The following CNTNAP2 variants were observed in gnomAD, a reference collection of about 807,000 sequenced individuals.
The protein encoded by CNTNAP2 is contactin-associated protein-like 2.
A neutral mutation model predicts 155.2 loss-of-function variants in CNTNAP2; 98 were observed. The observed-to-expected ratio is 0.63, with a 90% CI of 0.54 to 0.75. The LOEUF (loss-of-function observed/expected upper bound fraction) is 0.75. CNTNAP2 is among the 30% of genes least tolerant of loss of function. The pLI is 0.00. For missense variants in CNTNAP2, 1,727 were observed against 1,688.1 expected, an observed-to-expected ratio of 1.02 and a Z score of -0.40; for synonymous variants, 651 against 631.2, an observed-to-expected ratio of 1.03 and a Z score of -0.47.
chr7:146,355,626 G>A (rs897778192), intron 1 of CNTNAP2, among the ~76,000 whole-genome samples: 1 of 152,112 alleles, frequency 6.6e-6, no homozygotes, highest in African/African-American at 2.4e-5. Flanking sequence ...ATGCAGGGAT[G>A]TTCTACTTCC....
intron 1 of CNTNAP2, among the ~76,000 whole-genome samples, chr7:146,647,659 G>C (rs550625786): frequency 6.6e-6 from 1 of 152,196 alleles, no homozygotes; most frequent in East Asian, 1.9e-4. Context: ...GCTGCGAAAA[G>C]AAAAACATAA....
chr7:146,910,636 C>T (rs1423638763), intron 3 of CNTNAP2, among the ~76,000 whole-genome samples: 3 of 150,418 alleles, frequency 2.0e-5, no homozygotes, highest in Non-Finnish European at 2.9e-5. Context: ...CTTCCTTACA[C>T]CTTATACAAA....
At chr7:147,094,537 G>A (rs1488743665) in intron 4 of CNTNAP2, among the ~76,000 whole-genome samples, 1 of 151,608 alleles carries the variant, frequency 6.6e-6, no homozygotes, top group African/African-American at 2.4e-5. Context: ...GCGTAGCTGG[G>A]ACTACAGGCG....
intron 9 of CNTNAP2, among the ~76,000 whole-genome samples, chr7:147,377,567 A>G (rs1796457523): frequency 6.6e-6 from 1 of 151,706 alleles, no homozygotes; most frequent in Non-Finnish European, 1.5e-5. Context: ...ATGGCTTTTA[A>G]TGGGAATGTG....
intron 6 of CNTNAP2, among the ~76,000 whole-genome samples, chr7:147,124,827 A>G (rs911740061): frequency 2.0e-5 from 3 of 151,510 alleles, no homozygotes; most frequent in East Asian, 1.9e-4. Flanking sequence ...GTGATGGAAT[A>G]CAAGTTCACT....
At chr7:148,301,308 T>TAA (rs1464408177) in intron 21 of CNTNAP2, among the ~76,000 whole-genome samples, 2 of 111,636 alleles carry the variant, frequency 1.8e-5, no homozygotes, top group Non-Finnish European at 3.5e-5. Flanking sequence ...AAAAAAAAAA[T>TAA]ATATATATAT....
At chr7:148,390,331 ACTCGGTGGCTC>A (rs1408929580) in intron 22 of CNTNAP2, among the ~76,000 whole-genome samples, 1 of 152,030 alleles carries the variant, frequency 6.6e-6, no homozygotes, top group Non-Finnish European at 1.5e-5. Context: ...GTGGGGCAGG[ACTCGGTGGCTC>A]CAGTGAAAGC....
chr7:146,374,713 CAA>C (rs1385421484), intron 1 of CNTNAP2, among the ~76,000 whole-genome samples: 3 of 152,140 alleles, frequency 2.0e-5, no homozygotes, highest in African/African-American at 7.2e-5. Context: ...GATAATCAAA[CAA>C]GAGGCATCTT....
chr7:146,188,516 G>T (rs114068211), intron 1 of CNTNAP2, among the ~76,000 whole-genome samples: 2,173 of 152,220 alleles, frequency 0.014, 45 homozygotes, highest in African/African-American at 0.048. Context: ...TCACTTTATC[G>T]AGTTTCCTTC....
intron 8 of CNTNAP2, among the ~76,000 whole-genome samples, chr7:147,170,933 G>A (rs1221000065): frequency 1.3e-5 from 2 of 152,156 alleles, no homozygotes; most frequent in African/African-American, 4.8e-5. Context: ...GAGTTTTCTG[G>A]GGCCAGGGCC....
intron 19 of CNTNAP2, among the ~76,000 whole-genome samples, chr7:148,220,248 G>A (rs960038372): frequency 1.2e-4 from 18 of 152,196 alleles, no homozygotes; most frequent in South Asian, 2.1e-4. Flanking sequence ...GACTACAGGC[G>A]CCTGCCACAA....
intron 1 of CNTNAP2, among the ~76,000 whole-genome samples, chr7:146,418,502 A>G (rs1283689773): frequency 6.6e-6 from 1 of 152,158 alleles, no homozygotes; most frequent in East Asian, 1.9e-4. Context: ...CTTTTTCTAT[A>G]TATTTTCTAA....
chr7:146,747,244 T>C (rs1423037827), intron 1 of CNTNAP2, among the ~76,000 whole-genome samples: 2 of 152,252 alleles, frequency 1.3e-5, no homozygotes, highest in East Asian at 3.9e-4. Context: ...ACCTACAAAA[T>C]ACTTGCAAGG....
chr7:146,936,105 T>C (rs1471456568), intron 3 of CNTNAP2, among the ~76,000 whole-genome samples: 1 of 152,124 alleles, frequency 6.6e-6, no homozygotes, highest in African/African-American at 2.4e-5. Flanking sequence ...CCCAAAATGA[T>C]GGTAACTGAG....
intron 1 of CNTNAP2, among the ~76,000 whole-genome samples, chr7:146,287,486 A>G (rs1037825653): frequency 7.9e-5 from 12 of 152,106 alleles, no homozygotes; most frequent in Non-Finnish European, 1.2e-4. Flanking sequence ...TCTCCTCCCC[A>G]CAATCCTTGT....
chr7:147,776,142 G>T (rs1797581313), intron 13 of CNTNAP2, among the ~76,000 whole-genome samples: 1 of 152,076 alleles, frequency 6.6e-6, no homozygotes, highest in Non-Finnish European at 1.5e-5. Context: ...TCCTGTTTAG[G>T]AAGTGATTTA....
intron 13 of CNTNAP2, among the ~76,000 whole-genome samples, chr7:147,851,686 C>A (rs1798944542): frequency 1.3e-5 from 2 of 148,782 alleles, no homozygotes; most frequent in African/African-American, 5.0e-5. Flanking sequence ...CACGTGTTCT[C>A]ACTCATAGGC....
At chr7:147,331,378 A>C (rs1795564778) in intron 9 of CNTNAP2, among the ~76,000 whole-genome samples, 1 of 152,120 alleles carries the variant, frequency 6.6e-6, no homozygotes, top group Non-Finnish European at 1.5e-5. Context: ...TTCTATTATA[A>C]ATGTCAAAAA....
chr7:147,586,968 C>T (rs1185651174), intron 12 of CNTNAP2, among the ~76,000 whole-genome samples: 1 of 152,128 alleles, frequency 6.6e-6, no homozygotes, highest in African/African-American at 2.4e-5. Context: ...CACTTCAGTG[C>T]AAAGTTGTTT....
Sources: allele counts gnomAD v4.1 joint callset (sites outside exome capture counted in the v4.1 genomes callset), GRCh38; gene constraint gnomAD v4.1.1; transcripts MANE v1.5; gene names NCBI Gene and HGNC (gene_info 2026-07-23, HGNC 2026-07-21).